The following CDK5RAP2 variants were observed in gnomAD, a reference collection of about 807,000 sequenced individuals.
CDK5RAP2 encodes the protein CDK5 regulatory subunit-associated protein 2.
Under a neutral mutation model 232.9 loss-of-function variants are expected in CDK5RAP2, and 147 were observed. The ratio of observed to expected loss-of-function variants is 0.63; its 90% CI spans 0.55 to 0.72. CDK5RAP2 has a LOEUF of 0.72. Among genes scored for constraint, CDK5RAP2 ranks in the 30% least tolerant of loss-of-function variants. CDK5RAP2 has a pLI of 0.00. For synonymous variants in CDK5RAP2, 833 were observed against 833.7 expected (o/e 1.00, Z 0.01); for missense variants, 2,195 against 2,231.5 (o/e 0.98, Z 0.33).
intron 35 of CDK5RAP2, among the ~76,000 whole-genome samples, chr9:120,396,136 T>C (rs1194009316): frequency 6.6e-6 from 1 of 152,246 alleles, no homozygotes; most frequent in Admixed American, 6.5e-5. Flanking sequence ...AAGGTACATA[T>C]CATTTTTGAT....
At chr9:120,463,089 G>A (rs1490289776) in intron 18 of CDK5RAP2, among the ~76,000 whole-genome samples, 1 of 151,962 alleles carries the variant, frequency 6.6e-6, no homozygotes, top group East Asian at 1.9e-4. Context: ...AAACAAAACA[G>A]GGCCAGGCAC....
At chr9:120,560,302 G>C (rs2042415803) in intron 3 of CDK5RAP2, among the ~76,000 whole-genome samples, 1 of 152,230 alleles carries the variant, frequency 6.6e-6, no homozygotes, top group African/African-American at 2.4e-5. Context: ...GCACCTGGCA[G>C]AGCCTTGCAC....
chr9:120,459,953 T>C (rs2036990061), intron 19 of CDK5RAP2, among the ~76,000 whole-genome samples: 1 of 152,136 alleles, frequency 6.6e-6, no homozygotes, highest in African/African-American at 2.4e-5. Flanking sequence ...CCTACTTATT[T>C]TATGAATTAG....
At chr9:120,393,554 A>C (rs924297828) in intron 36 of CDK5RAP2, among the ~76,000 whole-genome samples, 8 of 152,256 alleles carry the variant, frequency 5.3e-5, no homozygotes, top group African/African-American at 1.4e-4. Context: ...TGCAGTCAGC[A>C]GTTCTCTTAA....
intron 27 of CDK5RAP2, among the ~76,000 whole-genome samples, chr9:120,419,381 T>C (rs1191354194): frequency 6.6e-6 from 1 of 152,192 alleles, no homozygotes; most frequent in Non-Finnish European, 1.5e-5. Context: ...GTTGTATTTA[T>C]ATAAAAATAT....
intron 26 of CDK5RAP2, among the ~76,000 whole-genome samples, chr9:120,421,750 T>C (rs1453781073): frequency 1.3e-5 from 2 of 152,254 alleles, no homozygotes; most frequent in Non-Finnish European, 2.9e-5. Context: ...TCCAACTACA[T>C]GCCAGCAACT....
intron 27 of CDK5RAP2, 99 bp from the exon 28 acceptor site, chr9:120,415,258 G>C: frequency 7.3e-7 from 1 of 1,364,272 alleles, no homozygotes; most frequent in Non-Finnish European, 1.0e-6. Context: ...AACAGTATTG[G>C]ATGTGTTAAG....
chr9:120,549,109 T>C (rs907976554), intron 4 of CDK5RAP2, among the ~76,000 whole-genome samples: 4 of 150,878 alleles, frequency 2.7e-5, no homozygotes, highest in Admixed American at 1.3e-4. Flanking sequence ...TAAGCCAAGA[T>C]TGTGCCACTG....
At chr9:120,428,011 G>A (rs1164097560) in intron 25 of CDK5RAP2, among the ~76,000 whole-genome samples, 1 of 152,078 alleles carries the variant, frequency 6.6e-6, no homozygotes, top group African/African-American at 2.4e-5. Flanking sequence ...TGACTACTGG[G>A]TACATAACGA....
At chr9:120,480,511 T>C (rs1267128415) in intron 14 of CDK5RAP2, among the ~76,000 whole-genome samples, 1 of 152,224 alleles carries the variant, frequency 6.6e-6, no homozygotes, top group African/African-American at 2.4e-5. Flanking sequence ...CTACGGCAGT[T>C]ACTTATACTC....
At chr9:120,497,427 A>T (rs1361470005) in intron 12 of CDK5RAP2, among the ~76,000 whole-genome samples, 21 of 83,496 alleles carry the variant, frequency 2.5e-4, no homozygotes, top group Non-Finnish European at 5.3e-4. Context: ...AATTTAAAAA[A>T]AAAAAAAAAA....
At chr9:120,453,339 G>A (rs977743754) in intron 21 of CDK5RAP2, 117 bp downstream of exon 21, 97 of 926,476 alleles carry the variant, frequency 1.0e-4, no homozygotes, top group Admixed American at 7.9e-4. Context: ...GCAAGCAGAG[G>A]GAGACACTGG....
intron 35 of CDK5RAP2, among the ~76,000 whole-genome samples, chr9:120,396,368 A>T (rs2032463059): frequency 6.6e-6 from 1 of 152,200 alleles, no homozygotes; most frequent in Non-Finnish European, 1.5e-5. Context: ...ACATCTGTAA[A>T]ATCGGAATAA....
intron 3 of CDK5RAP2, among the ~76,000 whole-genome samples, chr9:120,563,711 C>T (rs1254428988): frequency 6.6e-6 from 1 of 152,204 alleles, no homozygotes; most frequent in Non-Finnish European, 1.5e-5. Flanking sequence ...CGTATCTACA[C>T]ACCATGGTGC....
intron 3 of CDK5RAP2, 49 bp from the exon 4 acceptor site, chr9:120,550,951 G>T: frequency 9.4e-7 from 1 of 1,069,512 alleles, no homozygotes; most frequent in Non-Finnish European, 1.5e-6. Context: ...AAGACAGAGG[G>T]TCCAACAGAT....
rs1293764252 is a variant in CDK5RAP2 at position 120,545,280 on chromosome 9, T to C, written c.383+434A>G. On this transcript the variant is annotated intron_variant, in intron 5 of 37. Transcript: ENST00000349780. The stretch of plus-strand genomic sequence containing the variant: ...TAACAACATAGATCAATCTCACAAA[T>C]ATATTGTTGAGGAAAGAAGCCAGAC... 2.0e-5 allele frequency among the ~76,000 whole-genome samples: 3 copies of C among 152,276 alleles called. No individual in the cohort carries two copies. In the East Asian group the frequency reaches 5.8e-4, roughly 29 times the overall value.
At chr9:120,547,894 T>G (rs1022528177) in intron 4 of CDK5RAP2, among the ~76,000 whole-genome samples, 1 of 152,198 alleles carries the variant, frequency 6.6e-6, no homozygotes, top group Non-Finnish European at 1.5e-5. Context: ...GAACAAGACA[T>G]GCTAACGTGG....
In CDK5RAP2 at chr9:120,530,103, C is replaced by T; in HGVS notation, c.700G>A (p.Glu234Lys). ...TCTTTAAGGCACTGAATTAAAGCTT[C>T]TTTGCTCTTCAAAGACAGCTTCAAC... ...EELKLSLKSK[E>K]ALIQCLKEEK... Residue 234 changes from glutamate to lysine, a missense_variant, in exon 8 of 38, where the codon GAA becomes AAA. By Grantham distance (56) the Glu-to-Lys change is moderately conservative. Transcript: ENST00000349780. 6.2e-7 allele frequency: 1 copy of T among 1,613,792 alleles called. No homozygotes were observed. Among genetic ancestry groups the T allele is most frequent in the Non-Finnish European group, 8.5e-7 (1 of 1,179,808 alleles).
rs763655890 is a variant in CDK5RAP2 at position 120,487,360 on chromosome 9, A to G, written c.1560T>C (p.Ser520=). Residue 520 remains serine, a synonymous_variant, in exon 14 of 38, where the codon AGT becomes AGC. Transcript: ENST00000349780. ...AGCACTTTTCTGTTATTAAGCCTTC[A>G]CTCCTGAGCTCAAGATCCTCTGCAG... The part of the protein sequence containing the change: ...LMAAEDLELR[S]EGLITEKCSS... The G allele has an allele frequency of 7.4e-6, 12 of 1,613,918 alleles. No individual in the cohort carries two copies. Among genetic ancestry groups the G allele is most frequent in the South Asian group, 5.5e-5 (5 of 91,076 alleles).
Sources: allele counts gnomAD v4.1 joint callset (sites outside exome capture counted in the v4.1 genomes callset), GRCh38; gene constraint gnomAD v4.1.1; transcripts MANE v1.5; gene names NCBI Gene and HGNC (gene_info 2026-07-23, HGNC 2026-07-21).